AKT3: variants seen among roughly 807,000 people sequenced by gnomAD.
AKT3 encodes RAC-gamma serine/threonine-protein kinase.
AKT3 carries 15 observed loss-of-function variants against 65.3 expected under a neutral mutation model. That is an observed-to-expected ratio of 0.23 (90% CI 0.15 to 0.35). The LOEUF (loss-of-function observed/expected upper bound fraction) is 0.35. AKT3 is among the 10% of genes least tolerant of loss of function. AKT3 has a pLI of 1.00. For synonymous variants in AKT3, 206 were observed against 183.8 expected (o/e 1.12, Z -0.98); for missense variants, 243 against 576.5 (o/e 0.42, Z 5.92).
intron 10 of AKT3, 29 bp downstream of exon 10, chr1:243,563,691 A>G (rs1673959054): frequency 3.8e-6 from 6 of 1,582,656 alleles, no homozygotes; most frequent in Non-Finnish European, 5.1e-6. Flanking sequence ...TGTCAATGTT[A>G]CTTTCCTATT....
intron 6 of AKT3, among the ~76,000 whole-genome samples, chr1:243,636,829 A>G (rs536555576): frequency 6.6e-6 from 1 of 152,264 alleles, no homozygotes; most frequent in East Asian, 1.9e-4. Flanking sequence ...CAATAGGGGC[A>G]TTGACTTGTA....
In AKT3 at chr1:243,526,349, GC is replaced by G. The variant is rs140981819; in HGVS notation, c.1252-13924del. On this transcript the variant is annotated intron_variant, in intron 12 of 13. Coordinates refer to ENST00000673466, the MANE Select transcript of AKT3 (RefSeq NM_005465.7). ...ATCATGGAGCTAAACACACACTCCA[GC>G]CCAGAAGTAGGCTCAAGGGCTAACA... 1.5e-4 allele frequency among the ~76,000 whole-genome samples: 23 copies of G among 152,220 alleles called. No individual in the cohort carries two copies. The East Asian group carries it at 4.4e-3, about 29-fold the overall frequency.
At chr1:243,601,527 T>C (rs911094370) in intron 8 of AKT3, among the ~76,000 whole-genome samples, 14 of 152,150 alleles carry the variant, frequency 9.2e-5, no homozygotes, top group East Asian at 3.9e-4. Flanking sequence ...TTAATGAAGT[T>C]GATCATAACA....
In AKT3 at chr1:243,501,794, G is replaced by C. The variant is rs113989963; in HGVS notation, c.*3455C>G. 2.4e-3 allele frequency: 560 copies of C among 232,902 alleles called. 4 individuals are homozygous for C. Among genetic ancestry groups the C allele is most frequent in the African/African-American group, 0.011 (504 of 45,430 alleles). The allele number at this position is 232,902 out of a possible 1,614,324, so 14.4% of individuals were successfully genotyped here. On this transcript the variant is annotated 3_prime_UTR_variant, in exon 14 of 14. Transcript: ENST00000673466. ...ATTGACATAGTGCTTTATTTAAGCT[G>C]TCTGTACGAAGGAAAATCATGTTCA...
intron 2 of AKT3, among the ~76,000 whole-genome samples, chr1:243,785,165 C>T (rs1399769026): frequency 6.6e-6 from 1 of 151,190 alleles, no homozygotes; most frequent in African/African-American, 2.4e-5. Flanking sequence ...CCTGGGTTCA[C>T]ACCATTCTCC....
chr1:243,568,640 C>T (rs984057651), intron 9 of AKT3, among the ~76,000 whole-genome samples: 8 of 152,314 alleles, frequency 5.3e-5, no homozygotes, highest in African/African-American at 1.9e-4. Flanking sequence ...TATGTTTCCT[C>T]CTGTTCTTGC....
chr1:243,679,317 T>A (rs1280107405), intron 3 of AKT3, among the ~76,000 whole-genome samples: 2 of 152,206 alleles, frequency 1.3e-5, no homozygotes. Context: ...AACTTTGCAT[T>A]GCTCAAGGGT....
rs565653865 is a variant in AKT3, at chr1:243,510,449, A to G, written c.1354+1875T>C. On this transcript the variant is annotated intron_variant, in intron 13 of 13. Coordinates refer to ENST00000673466, the MANE Select transcript of AKT3 (RefSeq NM_005465.7). ...GCAAGTCAAGGTGCCAATGCAGAGA[A>G]TGAAGAGAGAGAGGGAATGTTGTCA... 1.9e-3 allele frequency among the ~76,000 whole-genome samples: 284 copies of G among 152,332 alleles called. 2 individuals carry two copies. Among genetic ancestry groups the G allele is most frequent in the African/African-American group, 6.7e-3 (277 of 41,584 alleles).
intron 13 of AKT3, 45 bp downstream of exon 13, chr1:243,512,279 G>T: frequency 3.7e-6 from 4 of 1,095,034 alleles, no homozygotes; most frequent in Non-Finnish European, 5.3e-6. Context: ...TACATTAGGA[G>T]AAATTATATT....
At chr1:243,591,045 T>C (rs1219134760) in intron 8 of AKT3, among the ~76,000 whole-genome samples, 1 of 152,180 alleles carries the variant, frequency 6.6e-6, no homozygotes, top group Non-Finnish European at 1.5e-5. Context: ...TTAATGATAC[T>C]GAGTTCAGAG....
chr1:243,504,788 T>C lies in AKT3; in HGVS notation c.*461A>G, dbSNP rs45498504. ...ACGCCACCACCCTTCCACAATTGCT[T>C]GTTCTGAATTTATAAACTAAATCTT... is the stretch of plus-strand genomic sequence containing the variant. On this transcript the variant is annotated 3_prime_UTR_variant, in exon 14 of 14. Transcript: ENST00000673466. 0.1 allele frequency: 21,211 copies of C among 203,154 alleles called. 1,492 individuals carry two copies. The highest frequency in any genetic ancestry group is 0.15 in the Non-Finnish European group (15,031 of 99,122). The allele number at this position is 203,154 out of a possible 1,614,324, so 12.6% of individuals were successfully genotyped here.
At chr1:243,506,308 A>G (rs1362967309) in intron 13 of AKT3, among the ~76,000 whole-genome samples, 2 of 152,230 alleles carry the variant, frequency 1.3e-5, no homozygotes, top group African/African-American at 2.4e-5. Flanking sequence ...CCTGCAATGG[A>G]AATCAGTGAA....
chr1:243,571,145 T>A (rs1332687157), intron 9 of AKT3, among the ~76,000 whole-genome samples: 1 of 151,950 alleles, frequency 6.6e-6, no homozygotes, highest in Non-Finnish European at 1.5e-5. Flanking sequence ...CGTGAAACCC[T>A]GTCTCTACTA....
intron 2 of AKT3, among the ~76,000 whole-genome samples, chr1:243,787,035 A>G (rs1691309399): frequency 6.6e-6 from 1 of 152,230 alleles, no homozygotes. Flanking sequence ...AGTGGGAAAC[A>G]CAGAATAAAA....
chr1:243,702,145 T>C lies in AKT3; in HGVS notation c.47-6429A>G, dbSNP rs368730442. Among the ~76,000 whole-genome samples the C allele has an allele frequency of 8.8e-5, 13 of 147,786 alleles. No homozygotes were observed. In the East Asian group the frequency reaches 2.4e-3, roughly 27 times the overall value. On this transcript the variant is annotated intron_variant, in intron 2 of 13. Transcript: ENST00000673466. ...AAAAAAAAGCTGGCCATACTGTCAA[T>C]GTGAAAAGCATGTGGTCACATTTTC...
At chr1:243,573,562 T>C (rs1019692679) in intron 8 of AKT3, among the ~76,000 whole-genome samples, 1 of 152,256 alleles carries the variant, frequency 6.6e-6, no homozygotes, top group African/African-American at 2.4e-5. Context: ...CAAATTATTA[T>C]TGAAAATAGA....
At chr1:243,669,302 T>G (rs1572140410) in intron 3 of AKT3, among the ~76,000 whole-genome samples, 1 of 152,172 alleles carries the variant, frequency 6.6e-6, no homozygotes, top group East Asian at 1.9e-4. Flanking sequence ...GGGCAACTGA[T>G]TGGCTGGCTT....
intron 2 of AKT3, among the ~76,000 whole-genome samples, chr1:243,712,152 C>T (rs1046995893): frequency 6.6e-6 from 1 of 152,156 alleles, no homozygotes; most frequent in Non-Finnish European, 1.5e-5. Flanking sequence ...AATACATGGA[C>T]ATAATCCTAC....
intron 2 of AKT3, among the ~76,000 whole-genome samples, chr1:243,836,591 A>T (rs147198203): frequency 6.6e-6 from 1 of 152,164 alleles, no homozygotes; most frequent in Non-Finnish European, 1.5e-5. Flanking sequence ...AAATGATAAG[A>T]CCACATAATG....
Sources: gnomAD v4.1 joint callset for allele counts (sites outside exome capture counted in the v4.1 genomes callset) on GRCh38, gnomAD v4.1.1 for gene constraint, MANE v1.5 for transcripts, NCBI Gene and HGNC (gene_info 2026-07-23, HGNC 2026-07-21) for gene names.